The following ZBTB46 variants were observed in gnomAD, a reference collection of about 807,000 sequenced individuals.
The protein encoded by ZBTB46 is zinc finger and BTB domain-containing protein 46.
ZBTB46 carries 8 observed loss-of-function variants against 44.1 expected under a neutral mutation model. The observed-to-expected ratio is 0.18, with a 90% confidence interval of 0.11 to 0.33. The LOEUF (loss-of-function observed/expected upper bound fraction) is 0.33, where lower values mean the gene tolerates loss of function less well. Ranked by LOEUF, ZBTB46 falls within the 10% of genes least tolerant of loss-of-function variation. The probability of loss-of-function intolerance (pLI) is 1.00; values close to 1 mark genes in which losing one functional copy is unlikely to be tolerated. For missense variants in ZBTB46, 651 were observed against 847.7 expected (o/e 0.77, Z 2.88); for synonymous variants, 409 against 382.3 (o/e 1.07, Z -0.81).
Position 63,767,177 on chromosome 20 carries a change from G to A in ZBTB46, c.1222+8501C>T, listed in dbSNP as rs564033907. 2.6e-5 allele frequency among the ~76,000 whole-genome samples: 4 copies of A among 152,260 alleles called. No individual in the cohort carries two copies. Among genetic ancestry groups the A allele is most frequent in the Admixed American group, 1.3e-4 (2 of 15,298 alleles). On this transcript the variant is annotated intron_variant, in intron 3 of 4. Coordinates refer to ENST00000245663, the MANE Select transcript of ZBTB46 (RefSeq NM_001369741.1). This position sits in a 1 kb window ranked among gnomAD's most constrained non-coding sequence, Gnocchi z 5.0. ...ATGCCAGGCACACACCGCCAAGGAC[G>A]CCGTGGCAGGCTTTGTCTTTCGATC...
At chr20:63,810,685 A>C (rs2092712593) in intron 1 of ZBTB46, among the ~76,000 whole-genome samples, 1 of 152,182 alleles carries the variant, frequency 6.6e-6, no homozygotes, top group South Asian at 2.1e-4. Flanking sequence ...GGCAGAGGTT[A>C]CAGTGAGCCA....
chr20:63,771,822 C>T (rs2145845676), intron 3 of ZBTB46, among the ~76,000 whole-genome samples: 1 of 152,200 alleles, frequency 6.6e-6, no homozygotes, highest in South Asian at 2.1e-4. Flanking sequence ...CAGTGCATGC[C>T]GGAAACAGGC....
chr20:63,803,233 C>T lies in ZBTB46; in HGVS notation c.-33-12443G>A, dbSNP rs2092660556. ...CCAGCAGGAACCAGGCACCTCCCCT[C>T]ACACCAAGGCGTTCATGGTTTACCT... On this transcript the variant is annotated intron_variant, in intron 1 of 4. Transcript: ENST00000245663. The surrounding 1 kb of genome is among the most constrained non-coding windows in gnomAD (Gnocchi z 4.0). The T allele has an allele frequency of 1.1e-6, 1 of 906,866 alleles. No individual in the cohort carries two copies. The highest frequency in any genetic ancestry group is 6.2e-5 in the Admixed American group (1 of 16,162). 56.2% of individuals were successfully genotyped at this position (906,866 alleles called of 1,614,324 possible).
intron 1 of ZBTB46, among the ~76,000 whole-genome samples, chr20:63,810,195 G>A (rs149731515): frequency 3.3e-5 from 5 of 152,212 alleles, no homozygotes; most frequent in African/African-American, 9.6e-5. Flanking sequence ...GATGTTCCAA[G>A]CACTGCTATG....
intron 1 of ZBTB46, among the ~76,000 whole-genome samples, chr20:63,825,520 T>C (rs1168955860): frequency 6.6e-6 from 1 of 151,262 alleles, no homozygotes; most frequent in Admixed American, 6.6e-5. Flanking sequence ...GCACTTTGTG[T>C]CAACAACTCT....
At chr20:63,831,498 C>A (rs1208531402), upstream of ZBTB46, among the ~76,000 whole-genome samples, 1 of 146,616 alleles carries the variant, frequency 6.8e-6, no homozygotes, top group Admixed American at 6.7e-5. Context: ...GCCGGGGGTC[C>A]GTTCTCCCCC....
In ZBTB46 at chr20:63,752,963, C is replaced by T. The variant is rs1008739049; in HGVS notation, c.1223-102G>A. The T allele has an allele frequency of 2.3e-5, 30 of 1,331,676 alleles. No individual in the cohort carries two copies. The highest frequency in any genetic ancestry group is 2.9e-5 in the Non-Finnish European group (29 of 991,568). The allele number at this position is 1,331,676 out of a possible 1,614,324, so 82.5% of individuals were successfully genotyped here. A position where few individuals can be genotyped will look rare whatever the true frequency, so the allele number is the denominator to read the frequency against. ...GCCGCAGCCCAGCAGCCAGGACGGG[C>T]TGTCTCCCACGGCCACCCACTGGGG... is the stretch of plus-strand genomic sequence containing the variant. On this transcript the variant is annotated intron_variant, in intron 3 of 4. Transcript: ENST00000245663. This position sits in a 1 kb window ranked among gnomAD's most constrained non-coding sequence, Gnocchi z 5.6.
chr20:63,829,039 C>T (rs1352071362), intron 1 of ZBTB46, among the ~76,000 whole-genome samples: 1 of 152,228 alleles, frequency 6.6e-6, no homozygotes, highest in East Asian at 1.9e-4. Flanking sequence ...GTAAATAGTA[C>T]ATCGTCTGAC....
intron 1 of ZBTB46, 25 bp from the exon 2 acceptor site, chr20:63,790,815 C>A: frequency 1.3e-6 from 2 of 1,506,728 alleles, no homozygotes; most frequent in Non-Finnish European, 1.8e-6. Flanking sequence ...ACAAGAGTTA[C>A]CCAAGCTCAG....
rs1308412139 is a variant in ZBTB46, at chr20:63,767,868, C to T, written c.1222+7810G>A. 8.1e-6 allele frequency: 8 copies of T among 985,170 alleles called. No individual in the cohort carries two copies. The highest frequency in any genetic ancestry group is 1.1e-4 in the East Asian group (1 of 8,830). 61.0% of individuals were successfully genotyped at this position (985,170 alleles called of 1,614,324 possible). A position where few individuals can be genotyped will look rare whatever the true frequency, so the allele number is the denominator to read the frequency against. ...CCAGGCCTGGGCTGGAAGAAGACTCCTCAGGCATCCTGGACAGGCCACAGG... is the reference window on the plus strand; with the variant it reads ...CCAGGCCTGGGCTGGAAGAAGACTCTTCAGGCATCCTGGACAGGCCACAGG... On this transcript the variant is annotated intron_variant, in intron 3 of 4. Transcript: ENST00000245663. This position sits in a 1 kb window ranked among gnomAD's most constrained non-coding sequence, Gnocchi z 5.0.
intron 1 of ZBTB46, among the ~76,000 whole-genome samples, chr20:63,818,682 C>T (rs376532991): frequency 4.0e-5 from 6 of 151,350 alleles, no homozygotes; most frequent in East Asian, 1.9e-4. Flanking sequence ...GGTGAAACCC[C>T]GTGTCTATTA....
At position 63,744,466 on chromosome 20, in the gene ZBTB46, CA is replaced by C. The variant is rs2092069185; in HGVS notation, c.*2463del. The C allele has an allele frequency of 6.6e-6, 1 of 151,886 alleles. No individual in the cohort carries two copies. The highest frequency in any genetic ancestry group is 2.1e-4 in the South Asian group (1 of 4,804). The allele number at this position is 151,886 out of a possible 1,614,324, so 9.4% of individuals were successfully genotyped here. On this transcript the variant is annotated 3_prime_UTR_variant, in exon 5 of 5. Transcript: ENST00000245663. ...TTTCCCACTTTGGTGTTGTAAACAC[CA>C]AAATACAAACAGACACAAACAAAAA... is the stretch of plus-strand genomic sequence containing the variant.
At chr20:63,774,579 A>G (rs2092404687) in intron 3 of ZBTB46, among the ~76,000 whole-genome samples, 1 of 152,060 alleles carries the variant, frequency 6.6e-6, no homozygotes, top group Non-Finnish European at 1.5e-5. Context: ...ACTCACTCTC[A>G]GCCGCATGCT....
intron 1 of ZBTB46, among the ~76,000 whole-genome samples, chr20:63,830,405 C>A (rs972891334): frequency 1.3e-5 from 2 of 150,978 alleles, no homozygotes. Context: ...CCGCCCCGCG[C>A]GCCCCGAGCC....
At chr20:63,825,424 C>T (rs1468407587) in intron 1 of ZBTB46, among the ~76,000 whole-genome samples, 1 of 149,018 alleles carries the variant, frequency 6.7e-6, no homozygotes, top group East Asian at 2.1e-4. Flanking sequence ...AAAACCCTCC[C>T]TCCCGCCCAC....
rs569645967 is a variant in ZBTB46 at position 63,752,912 on chromosome 20, C to G, written c.1223-51G>C. The stretch of plus-strand genomic sequence containing the variant: ...TCAGCAGGGCTTGGGATGTACCGCC[C>G]TGCGGCCCACAGACCACGGCTGCAC... On this transcript the variant is annotated intron_variant, in intron 3 of 4. Coordinates refer to ENST00000245663, the MANE Select transcript of ZBTB46 (RefSeq NM_001369741.1). This position sits in a 1 kb window ranked among gnomAD's most constrained non-coding sequence, Gnocchi z 5.6. 9.1e-6 allele frequency: 14 copies of G among 1,538,190 alleles called. No homozygotes were observed. The African/African-American group carries it at 1.8e-4, about 20-fold the overall frequency.
intron 1 of ZBTB46, among the ~76,000 whole-genome samples, chr20:63,822,028 C>T (rs1358314857): frequency 2.0e-5 from 3 of 152,204 alleles, no homozygotes; most frequent in Non-Finnish European, 4.4e-5. Context: ...CGAGAACTTA[C>T]ACCTTTAACT....
intron 2 of ZBTB46, among the ~76,000 whole-genome samples, chr20:63,785,429 C>T (rs1488435517): frequency 6.6e-6 from 1 of 150,442 alleles, no homozygotes. Flanking sequence ...GGCGTGGTCA[C>T]GGGAGCCTGT....
At chr20:63,781,386 C>T (rs965831924) in intron 2 of ZBTB46, among the ~76,000 whole-genome samples, 5 of 152,280 alleles carry the variant, frequency 3.3e-5, no homozygotes, top group Admixed American at 1.3e-4. Flanking sequence ...CAGAGCCTCA[C>T]GGTCACCACG....
Sources: gnomAD v4.1 joint callset for allele counts (sites outside exome capture counted in the v4.1 genomes callset) on GRCh38, gnomAD v4.1.1 for gene constraint, Gnocchi (gnomAD v3.1) non-coding constraint, MANE v1.5 for transcripts, NCBI Gene and HGNC (gene_info 2026-07-23, HGNC 2026-07-21) for gene names.